The following PAQR6 variants were observed in gnomAD, a reference collection of about 807,000 sequenced individuals.
PAQR6 encodes the protein progestin and adipoQ receptor family member 6, also known as membrane progestin receptor delta.
A neutral mutation model predicts 36.2 loss-of-function variants in PAQR6; 34 were observed. The ratio of observed to expected loss-of-function variants is 0.94; its 90% CI spans 0.71 to 1.25. The LOEUF is 1.25. Among genes scored for constraint, PAQR6 ranks in the 50% most tolerant of loss-of-function variants. The probability of loss-of-function intolerance (pLI) is 0.00; values close to 1 mark genes in which losing one functional copy is unlikely to be tolerated. For missense variants in PAQR6, 431 were observed against 445.7 expected (o/e 0.97, Z 0.30); for synonymous variants, 190 against 190.7 (o/e 1.00, Z 0.03).
chr1:156,245,373 C>T, intron 5 of PAQR6, 135 bp from the exon 6 acceptor site: 1 of 1,379,274 alleles, frequency 7.3e-7, no homozygotes, highest in Non-Finnish European at 1.0e-6. Flanking sequence ...CATATGACCT[C>T]CTGTGTAAAG....
chr1:156,246,273 A>G (rs1384149161), intron 2 of PAQR6, 23 bp from the exon 3 acceptor site: 1 of 1,589,512 alleles, frequency 6.3e-7, no homozygotes, highest in Admixed American at 1.7e-5. Context: ...TGGGAGAGGA[A>G]GGGCGTCACT....
Position 156,243,776 on chromosome 1 carries a change from A to G in PAQR6, c.*353T>C. On this transcript the variant is annotated 3_prime_UTR_variant, in exon 8 of 8. Coordinates refer to ENST00000292291, the MANE Select transcript of PAQR6 (RefSeq NM_198406.3). ...TAGTTCTTCCCTGTGCTGAGCAGAG[A>G]CTTCCAGAAGCACCAGAAACGGAGC... 1.4e-6 allele frequency: 2 copies of G among 1,457,446 alleles called. No individual in the cohort carries two copies. The highest frequency in any genetic ancestry group is 2.6e-5 in the South Asian group (2 of 75,490). 90.3% of individuals were successfully genotyped at this position (1,457,446 alleles called of 1,614,324 possible).
In PAQR6 at chr1:156,246,690, C is replaced by A; in HGVS notation, c.42G>T (p.Gln14His). Residue 14 changes from glutamine (Q) to histidine (H), a missense_variant, in exon 2 of 8, where the codon CAG (glutamine) becomes CAT (histidine). Transcript: ENST00000292291. ...GGGTGGAGCCCCTCACCCGGGGGAC[C>A]TGGTGGACTTGAAGAAGTTGGGGCA... ...LKLPQLLQVHQVPRVFWEDGI... is the reference protein window; with the variant it reads ...LKLPQLLQVHHVPRVFWEDGI... 6.2e-7 allele frequency: 1 copy of A among 1,613,810 alleles called. No homozygotes were observed.
Position 156,243,502 on chromosome 1 carries a change from C to T in PAQR6, c.*627G>A, listed in dbSNP as rs1659637636. Reference sequence around the variant, plus strand: ...CTTCCCAAAGTCTAACTAGGGATACCCCCTCTAGCCTAGGACCCTCCTCCC... The same window carrying T: ...CTTCCCAAAGTCTAACTAGGGATACTCCCTCTAGCCTAGGACCCTCCTCCC... On this transcript the variant is annotated 3_prime_UTR_variant, in exon 8 of 8. Coordinates refer to ENST00000292291, the MANE Select transcript of PAQR6 (RefSeq NM_198406.3). 9 of 476,310 alleles carry T rather than the reference C, an allele frequency of 1.9e-5. 1 individual carries two copies. The South Asian group carries it at 2.9e-4, about 15-fold the overall frequency. 29.5% of individuals were successfully genotyped at this position (476,310 alleles called of 1,614,324 possible).
Position 156,243,743 on chromosome 1 carries a change from A to T in PAQR6, c.*386T>A. 2 of 1,246,498 alleles carry T rather than the reference A, an allele frequency of 1.6e-6. No individual in the cohort carries two copies. The highest frequency in any genetic ancestry group is 2.2e-6 in the Non-Finnish European group (2 of 904,926). 77.2% of individuals were successfully genotyped at this position (1,246,498 alleles called of 1,614,324 possible). On this transcript the variant is annotated 3_prime_UTR_variant, in exon 8 of 8. Transcript: ENST00000292291. ...GAAGCATTCAGGGTAGGCCTAGGTT[A>T]GTCGTGTTAGTTCTTCCCTGTGCTG...
At chr1:156,247,816 G>A (rs763681496) in intron 1 of PAQR6, 141 bp downstream of exon 1, 6 of 318,106 alleles carry the variant, frequency 1.9e-5, no homozygotes, top group African/African-American at 4.4e-5. Context: ...CTGCCCTCAC[G>A]GTGCCTTCCC....
At position 156,245,987 on chromosome 1, in the gene PAQR6, C is replaced by A. The variant is rs745375695; in HGVS notation, c.180G>T (p.Trp60Cys). ...VNIWTHFLPT[W>C]YFLWRLLALA... ...GCGCCAGGAGCCGCCACAGGAAGTA[C>A]CTGCGGCGGGCGCGTGCTCAGGCCG... Residue 60 changes from tryptophan to cysteine, a missense_variant and splice_region_variant, in exon 4 of 8, where the codon TGG (tryptophan) becomes TGT (cysteine). Trp to Cys is a radical substitution (Grantham distance 215, BLOSUM62 -2). Transcript: ENST00000292291. 11 of 1,556,238 alleles carry A rather than the reference C, an allele frequency of 7.1e-6. No individual in the cohort carries two copies. In the East Asian group the frequency reaches 1.9e-4, roughly 27 times the overall value.
chr1:156,247,822 T>C, intron 1 of PAQR6, 135 bp downstream of exon 1: 1 of 322,622 alleles, frequency 3.1e-6, no homozygotes, highest in South Asian at 2.7e-5. Context: ...TCACGGTGCC[T>C]TCCCTTAGTA....
At position 156,245,849 on chromosome 1, in the gene PAQR6, G is replaced by A. The variant is rs148668012; in HGVS notation, c.318C>T (p.Ser106=). 1 of 1,605,966 alleles carries A rather than the reference G, an allele frequency of 6.2e-7. No individual in the cohort carries two copies. The highest frequency in any genetic ancestry group is 1.3e-5 in the African/African-American group (1 of 75,004). ...AGATGTGGCGCATGCGGGGCGACAT[G>A]GAGCTGAAGGTGTGCGCGCAGCACG... ...FASCCAHTFS[S]MSPRMRHICY... is the part of the protein sequence containing the mutation. Residue 106 remains serine (S), a synonymous_variant, in exon 4 of 8, where the codon TCC becomes TCT. Transcript: ENST00000292291.
At chr1:156,244,519 CTGA>C in intron 7 of PAQR6, 116 bp from the exon 8 acceptor site, 6 of 1,371,640 alleles carry the variant, frequency 4.4e-6, no homozygotes, top group Non-Finnish European at 5.8e-6. Context: ...CCCAGAGTGA[CTGA>C]AAGGAATGAA....
intron 1 of PAQR6, among the ~76,000 whole-genome samples, chr1:156,247,087 G>C (rs1558220878): frequency 1.3e-5 from 2 of 152,166 alleles, no homozygotes; most frequent in Non-Finnish European, 2.9e-5. Context: ...GTCTCAGGAA[G>C]AATCCTGACT....
chr1:156,245,800 G>A lies in PAQR6; in HGVS notation c.367C>T (p.Leu123Phe), dbSNP rs760422955. Residue 123 changes from leucine to phenylalanine, a missense_variant, in exon 4 of 8, where the codon CTC becomes TTC. Physicochemically the swap from Leu to Phe is conservative, Grantham distance 22 (BLOSUM62 0). Transcript: ENST00000292291. Reference protein sequence around the residue: ...HICYFLDYGALSLYSLGCAFP... With the variant: ...HICYFLDYGAFSLYSLGCAFP... ...GGCTCACCCAGACTGTAGAGGCTGA[G>A]CGCGCCGTAGTCGAGGAAGTAGCAG... 3 of 1,601,358 alleles carry A rather than the reference G, an allele frequency of 1.9e-6. No homozygotes were observed. In the African/African-American group the frequency reaches 4.0e-5, roughly 21 times the overall value.
chr1:156,244,955 C>A, intron 6 of PAQR6, 44 bp from the exon 7 acceptor site: 2 of 1,600,270 alleles, frequency 1.2e-6, no homozygotes, highest in Non-Finnish European at 1.7e-6. Context: ...ACTCGGGAGC[C>A]GAAACATGGG....
chr1:156,243,946 C>G lies in PAQR6; in HGVS notation c.*183G>C. 1 of 1,614,200 alleles carries G rather than the reference C, an allele frequency of 6.2e-7. No homozygotes were observed. Among genetic ancestry groups the G allele is most frequent in the Non-Finnish European group, 8.5e-7 (1 of 1,180,010 alleles). ...AAGAGCCCCCTCACGGTCCCTCTCA[C>G]ACTCTGCCAGTCCCCCTAGACACCC... is the stretch of plus-strand genomic sequence containing the variant. On this transcript the variant is annotated 3_prime_UTR_variant, in exon 8 of 8. Transcript: ENST00000292291.
chr1:156,243,874 G>A lies in PAQR6; in HGVS notation c.*255C>T, dbSNP rs772303391. The A allele has an allele frequency of 1.2e-5, 19 of 1,600,992 alleles. No individual in the cohort carries two copies. The highest frequency in any genetic ancestry group is 1.7e-4 in the Middle Eastern group (1 of 6,046). ...ATAGGGGCATCTTCAGCCTGGACAC[G>A]CATGCATCTCCCCTCTCAGACCCTC... On this transcript the variant is annotated 3_prime_UTR_variant, in exon 8 of 8. Transcript: ENST00000292291.
Position 156,245,772 on chromosome 1 carries a change from T to A in PAQR6, c.385+10A>T. The A allele has an allele frequency of 6.3e-7, 1 of 1,584,602 alleles. No homozygotes were observed. Among genetic ancestry groups the A allele is most frequent in the Non-Finnish European group, 8.6e-7 (1 of 1,164,812 alleles). Reference sequence around the variant, plus strand: ...CCCAGACCCCGCGCTCCCGCGCCTGTCCGGCTCACCCAGACTGTAGAGGCT... The same window carrying A: ...CCCAGACCCCGCGCTCCCGCGCCTGACCGGCTCACCCAGACTGTAGAGGCT... On this transcript the variant is annotated intron_variant, in intron 4 of 7. Transcript: ENST00000292291.
At chr1:156,247,590 T>A (rs1039441173) in intron 1 of PAQR6, 1 of 154,726 alleles carries the variant, frequency 6.5e-6, no homozygotes, top group Non-Finnish European at 1.4e-5. Flanking sequence ...GCACCAGCAG[T>A]CACTCCCCCA....
intron 1 of PAQR6, among the ~76,000 whole-genome samples, chr1:156,247,209 G>A (rs1290359693): frequency 6.6e-6 from 1 of 152,214 alleles, no homozygotes; most frequent in Non-Finnish European, 1.5e-5. Flanking sequence ...CCGAATCTCT[G>A]GAGAAGCCAG....
chr1:156,243,604 C>T lies in PAQR6; in HGVS notation c.*525G>A, dbSNP rs953900653. On this transcript the variant is annotated 3_prime_UTR_variant, in exon 8 of 8. Coordinates refer to ENST00000292291, the MANE Select transcript of PAQR6 (RefSeq NM_198406.3). ...CAAAAGCCTGGACACCTTGAGCACA[C>T]AGTTATGACCAGGACAGACTCATCT... The T allele has an allele frequency of 1.9e-5, 10 of 518,050 alleles. No homozygotes were observed. The highest frequency in any genetic ancestry group is 1.7e-4 in the African/African-American group (9 of 52,914). The allele number at this position is 518,050 out of a possible 1,614,324, so 32.1% of individuals were successfully genotyped here.
Sources: gnomAD v4.1 joint callset for allele counts (sites outside exome capture counted in the v4.1 genomes callset) on GRCh38, gnomAD v4.1.1 for gene constraint, MANE v1.5 for transcripts, NCBI Gene and HGNC (gene_info 2026-07-23, HGNC 2026-07-21) for gene names.